The following NYNRIN variants were observed in gnomAD, a reference collection of about 807,000 sequenced individuals.
The protein encoded by NYNRIN is NYN domain and retroviral integrase containing.
In NYNRIN, 86 loss-of-function variants were observed where a neutral mutation model predicts 146.6. The ratio of observed to expected loss-of-function variants is 0.59; its 90% CI spans 0.49 to 0.70. The LOEUF (loss-of-function observed/expected upper bound fraction) is 0.70. NYNRIN is among the 30% of genes least tolerant of loss of function. The pLI is 0.00. For synonymous variants in NYNRIN, 1,027 were observed against 1,001.3 expected (o/e 1.03, Z -0.48); for missense variants, 2,191 against 2,377.7 (o/e 0.92, Z 1.63).
chr14:24,408,253 G>A lies in NYNRIN; in HGVS notation c.583G>A (p.Asp195Asn). 1.2e-6 allele frequency: 2 copies of A among 1,609,796 alleles called. No individual in the cohort carries two copies. The highest frequency in any genetic ancestry group is 1.7e-6 in the Non-Finnish European group (2 of 1,179,728). Reference protein sequence around the residue: ...VQELLLSLVRDAAGKEDIIEW... With the variant: ...VQELLLSLVRNAAGKEDIIEW... ...GGAGCTGCTGCTGAGCCTGGTGCGGGATGCTGCGGGCAAGGAAGACATCAT... is the reference window on the plus strand; with the variant it reads ...GGAGCTGCTGCTGAGCCTGGTGCGGAATGCTGCGGGCAAGGAAGACATCAT... The change falls in exon 3 of 9, where the codon GAT becomes AAT. Residue 195 changes from aspartate to asparagine, a missense_variant. Asp to Asn is a conservative substitution (Grantham distance 23, BLOSUM62 1). This residue lies in a region of NYNRIN where 895 missense variants were observed against 941.2 expected (regional missense o/e 0.95). Transcript: ENST00000382554.
chr14:24,406,723 G>C (rs113693825), intron 2 of NYNRIN, among the ~76,000 whole-genome samples: 12 of 152,232 alleles, frequency 7.9e-5, no homozygotes, highest in African/African-American at 2.7e-4. Flanking sequence ...AAAGCAGGAA[G>C]AGGGATGAGA....
At chr14:24,405,674 ACTAACT>A (rs2042871706) in intron 2 of NYNRIN, among the ~76,000 whole-genome samples, 1 of 152,212 alleles carries the variant, frequency 6.6e-6, no homozygotes, top group African/African-American at 2.4e-5. Flanking sequence ...ATCCCAGCCT[ACTAACT>A]GTGTGATCTT....
chr14:24,408,165 C>T lies in NYNRIN; in HGVS notation c.495C>T (p.Ala165=), dbSNP rs544820240. Residue 165 remains alanine (A), a synonymous_variant, in exon 3 of 9, where the codon GCC becomes GCT. Transcript: ENST00000382554. ...WEAEVTRAFG[A]LVWIRGDQHA... ...CTGAGGTGACCCGGGCCTTTGGGGCCCTGGTCTGGATCCGTGGTGACCAGC... is the reference window on the plus strand; with the variant it reads ...CTGAGGTGACCCGGGCCTTTGGGGCTCTGGTCTGGATCCGTGGTGACCAGC... 4 of 1,602,328 alleles carry T rather than the reference C, an allele frequency of 2.5e-6. No homozygotes were observed. Among genetic ancestry groups the T allele is most frequent in the East Asian group, 4.5e-5 (2 of 44,748 alleles).
chr14:24,417,609 A>G lies in NYNRIN; in HGVS notation c.*163A>G, dbSNP rs2042957351. 2.0e-6 allele frequency: 2 copies of G among 1,025,142 alleles called. No homozygotes were observed. Among genetic ancestry groups the G allele is most frequent in the Non-Finnish European group, 2.6e-6 (2 of 763,796 alleles). 63.5% of individuals were successfully genotyped at this position (1,025,142 alleles called of 1,614,324 possible). On this transcript the variant is annotated 3_prime_UTR_variant, in exon 9 of 9. Coordinates refer to ENST00000382554, the MANE Select transcript of NYNRIN (RefSeq NM_025081.3). ...GCTGAATTGCCTTGAACTAGGGACC[A>G]GCATCCCCATGGAAACATCCCCAGT...
rs777425106 is a variant in NYNRIN, at chr14:24,408,370, A to C, written c.700A>C (p.Met234Leu). 6.2e-7 allele frequency: 1 copy of C among 1,613,936 alleles called. No homozygotes were observed. The highest frequency in any genetic ancestry group is 1.1e-5 in the South Asian group (1 of 91,086). Reference sequence around the variant, plus strand: ...CCAGCAGCAGAAGGAAGCCCCAGCCATGGTGTCCGTGGGAGAGAGTCCTGG... The same window carrying C: ...CCAGCAGCAGAAGGAAGCCCCAGCCCTGGTGTCCGTGGGAGAGAGTCCTGG... ...PPQQQKEAPA[M>L]VSVGESPGPF... The change falls in exon 3 of 9, where the codon ATG becomes CTG. Residue 234 changes from methionine (M) to leucine (L), a missense_variant. Met to Leu is a conservative substitution (Grantham distance 15). This residue lies in a region of NYNRIN where 895 missense variants were observed against 941.2 expected (regional missense o/e 0.95). Transcript: ENST00000382554.
Position 24,415,347 on chromosome 14 carries a change from CA to C in NYNRIN, c.3599del (p.Gln1200ArgfsTer56). On this transcript the variant is annotated frameshift_variant, in exon 9 of 9. Transcript: ENST00000382554. LOFTEE classifies it high-confidence loss of function. ...SKPLLPDEESQGPQSGGDSPY... is the reference protein window; with the variant it reads ...SKPLLPDEESXGPQSGGDSPY... ...ACCCCTCCTCCCTGATGAGGAGAGC[CA>C]GGGCCCCCAGTCAGGGGGTGACAGC... 1.9e-6 allele frequency: 3 copies of C among 1,613,962 alleles called. No individual in the cohort carries two copies. The highest frequency in any genetic ancestry group is 2.5e-6 in the Non-Finnish European group (3 of 1,179,876).
intron 2 of NYNRIN, among the ~76,000 whole-genome samples, chr14:24,407,648 C>G (rs376197472): frequency 2.0e-4 from 31 of 152,266 alleles, no homozygotes; most frequent in African/African-American, 6.5e-4. Flanking sequence ...CCAGGCTTCC[C>G]TGTTCTGTTG....
At chr14:24,404,522 G>A (rs2042864665) in intron 2 of NYNRIN, among the ~76,000 whole-genome samples, 1 of 152,096 alleles carries the variant, frequency 6.6e-6, no homozygotes, top group African/African-American at 2.4e-5. Flanking sequence ...TTGTTTTCCT[G>A]TATGGTTTGT....
At position 24,408,504 on chromosome 14, in the gene NYNRIN, G is replaced by A. The variant is rs747352789; in HGVS notation, c.834G>A (p.Gln278=). 2.3e-5 allele frequency: 37 copies of A among 1,584,054 alleles called. No individual in the cohort carries two copies. The Middle Eastern group carries it at 8.5e-4, about 36-fold the overall frequency. ...TGATCACAGCCCAGAGCACACCGCA[G>A]GAGGCAGCAAACCAGCTGGTACGGT... ...GSLITAQSTP[Q]EAANQLVRVG... The change falls in exon 3 of 9, where the codon CAG becomes CAA. Residue 278 remains glutamine, a synonymous_variant. Coordinates refer to ENST00000382554, the MANE Select transcript of NYNRIN (RefSeq NM_025081.3).
chr14:24,406,824 C>T (rs780204613), intron 2 of NYNRIN, among the ~76,000 whole-genome samples: 4 of 152,240 alleles, frequency 2.6e-5, no homozygotes, highest in Non-Finnish European at 5.9e-5. Flanking sequence ...GCTCATGGGA[C>T]CGCACAGATG....
In NYNRIN at chr14:24,411,151, A is replaced by G; in HGVS notation, c.2490A>G (p.Arg830=). The G allele has an allele frequency of 6.2e-7, 1 of 1,610,138 alleles. No homozygotes were observed. Among genetic ancestry groups the G allele is most frequent in the Non-Finnish European group, 8.5e-7 (1 of 1,178,068 alleles). ...AVQFFWNRGH[R]EVTVFVPTWQ... ...AGTTTTTCTGGAACCGGGGACACCG[A>G]GAGGTCACTGTGTTTGTACCCACCT... The change falls in exon 5 of 9, where the codon CGA becomes CGG. Residue 830 remains arginine (R), a synonymous_variant. Coordinates refer to ENST00000382554, the MANE Select transcript of NYNRIN (RefSeq NM_025081.3). This position sits in a 1 kb window ranked among gnomAD's most constrained non-coding sequence, Gnocchi z 4.3.
In NYNRIN at chr14:24,408,103, C is replaced by G. The variant is rs773733347; in HGVS notation, c.433C>G (p.Pro145Ala). The G allele has an allele frequency of 3.7e-6, 6 of 1,612,306 alleles. No homozygotes were observed. In the South Asian group the frequency reaches 6.6e-5, roughly 18 times the overall value. Residue 145 changes from proline (P) to alanine (A), a missense_variant, in exon 3 of 9, where the codon CCT becomes GCT. Pro to Ala is a conservative substitution (Grantham distance 27). This residue lies in a region of NYNRIN where 895 missense variants were observed against 941.2 expected (regional missense o/e 0.95). Coordinates refer to ENST00000382554, the MANE Select transcript of NYNRIN (RefSeq NM_025081.3). The part of the protein sequence containing the change: ...EELVGRLRWG[P>A]APLLTPRGIW... Reference sequence around the variant, plus strand: ...GCTGGTGGGGCGACTGCGCTGGGGCCCTGCCCCTCTGCTGACCCCCCGGGG... The same window carrying G: ...GCTGGTGGGGCGACTGCGCTGGGGCGCTGCCCCTCTGCTGACCCCCCGGGG...
chr14:24,413,004 G>A lies in NYNRIN; in HGVS notation c.2650G>A (p.Val884Ile), dbSNP rs751644731. 2.5e-6 allele frequency: 4 copies of A among 1,595,038 alleles called. No individual in the cohort carries two copies. Among genetic ancestry groups the A allele is most frequent in the Non-Finnish European group, 3.4e-6 (4 of 1,170,346 alleles). Residue 884 changes from valine (V) to isoleucine (I), a missense_variant, in exon 7 of 9, where the codon GTA becomes ATA. Physicochemically the swap from Val to Ile is conservative, Grantham distance 29 (BLOSUM62 3). This residue lies in a region of NYNRIN where 1,291 missense variants were observed against 1,417.0 expected (regional missense o/e 0.91). Transcript: ENST00000382554. ...KITTYDYRFM[V>I]KLAEETDGII... Reference sequence around the variant, plus strand: ...CTTCCCCTCTCCCTGCAGGTTCATGGTAAAGCTGGCAGAGGAGACAGATGG... The same window carrying A: ...CTTCCCCTCTCCCTGCAGGTTCATGATAAAGCTGGCAGAGGAGACAGATGG...
Position 24,408,938 on chromosome 14 carries a change from C to T in NYNRIN, c.1144C>T (p.Leu382Phe), listed in dbSNP as rs200284224. ...GCTGCATTCTCTACATCTGGCCTGG[C>T]TCCTGTCCCAGGCGTGCTTCAATTT... ...NELHSLHLAW[L>F]LSQACFNFPF... Residue 382 changes from leucine to phenylalanine, a missense_variant, in exon 4 of 9, where the codon CTC (leucine) becomes TTC (phenylalanine). By Grantham distance (22) the Leu-to-Phe change is conservative. Transcript: ENST00000382554. The T allele has an allele frequency of 6.1e-5, 98 of 1,613,994 alleles. No individual in the cohort carries two copies. Among genetic ancestry groups the T allele is most frequent in the Non-Finnish European group, 7.5e-5 (88 of 1,179,886 alleles).
At chr14:24,402,065 G>T (rs969862274) in intron 2 of NYNRIN, among the ~76,000 whole-genome samples, 27 of 152,292 alleles carry the variant, frequency 1.8e-4, no homozygotes, top group Non-Finnish European at 2.9e-4. Context: ...GCTTGTTGGG[G>T]TCTGAGGGGA....
chr14:24,415,878 C>T lies in NYNRIN; in HGVS notation c.4129C>T (p.His1377Tyr). Residue 1377 changes from histidine (H) to tyrosine (Y), a missense_variant, in exon 9 of 9, where the codon CAC becomes TAC. His to Tyr is a moderately conservative substitution (Grantham distance 83, BLOSUM62 2). This residue lies in a region of NYNRIN where 1,291 missense variants were observed against 1,417.0 expected (regional missense o/e 0.91). Coordinates refer to ENST00000382554, the MANE Select transcript of NYNRIN (RefSeq NM_025081.3). The stretch of plus-strand genomic sequence containing the variant: ...CCCACTCCCAGTGGTTTTCCTCACT[C>T]ACTGCAACTGGATCTTCAGCCTCCT... Reference protein sequence around the residue: ...QSPLPVVFLTHCNWIFSLLWE... With the variant: ...QSPLPVVFLTYCNWIFSLLWE... 2 of 1,614,008 alleles carry T rather than the reference C, an allele frequency of 1.2e-6. No individual in the cohort carries two copies. Among genetic ancestry groups the T allele is most frequent in the Non-Finnish European group, 1.7e-6 (2 of 1,179,894 alleles).
At chr14:24,400,376 T>C (rs2139340014) in intron 2 of NYNRIN, among the ~76,000 whole-genome samples, 1 of 152,308 alleles carries the variant, frequency 6.6e-6, no homozygotes, top group Non-Finnish European at 1.5e-5. Context: ...TTACTTCTTC[T>C]TTGTAGGAAT....
At position 24,416,281 on chromosome 14, in the gene NYNRIN, T is replaced by G; in HGVS notation, c.4532T>G (p.Phe1511Cys). Residue 1511 changes from phenylalanine to cysteine, a missense_variant, in exon 9 of 9, where the codon TTT (phenylalanine) becomes TGT (cysteine). Phe to Cys is a radical substitution (Grantham distance 205, BLOSUM62 -2). Transcript: ENST00000382554. The part of the protein sequence containing the change: ...LSGSSPFSSA[F>C]NSLSLDKESG... ...GGCTCCTCACCGTTTAGTTCTGCCT[T>G]TAACTCACTCAGCCTCGACAAGGAG... 6.2e-7 allele frequency: 1 copy of G among 1,613,942 alleles called. No homozygotes were observed. Among genetic ancestry groups the G allele is most frequent in the Non-Finnish European group, 8.5e-7 (1 of 1,179,876 alleles).
chr14:24,405,784 G>C (rs1011080510), intron 2 of NYNRIN, among the ~76,000 whole-genome samples: 7 of 152,120 alleles, frequency 4.6e-5, no homozygotes, highest in African/African-American at 1.7e-4. Context: ...TGTGCAAAGT[G>C]CCTGACACAT....
Sources: gnomAD v4.1 joint callset for allele counts (sites outside exome capture counted in the v4.1 genomes callset) on GRCh38, gnomAD v4.1.1 for gene constraint, gnomAD v4.1.1 regional missense constraint, Gnocchi (gnomAD v3.1) non-coding constraint, MANE v1.5 for transcripts, NCBI Gene and HGNC (gene_info 2026-07-23, HGNC 2026-07-21) for gene names.